The following SGCZ variants were observed in gnomAD, a reference collection of about 807,000 sequenced individuals.
The protein encoded by SGCZ is zeta-sarcoglycan.
Under a neutral mutation model 41.3 loss-of-function variants are expected in SGCZ, and 40 were observed. The observed-to-expected ratio is 0.97, with a 90% CI of 0.75 to 1.26. SGCZ has a LOEUF of 1.26. Ranked by LOEUF, SGCZ falls within the 50% of genes most tolerant of loss-of-function variation. The probability of loss-of-function intolerance (pLI) is 0.00; values close to 1 mark genes in which losing one functional copy is unlikely to be tolerated. For missense variants in SGCZ, 552 were observed against 369.8 expected (o/e 1.49, Z -4.04); for synonymous variants, 206 against 137.5 (o/e 1.50, Z -3.49).
intron 1 of SGCZ, among the ~76,000 whole-genome samples, chr8:15,098,269 T>C (rs942660356): frequency 6.6e-6 from 1 of 152,138 alleles, no homozygotes; most frequent in African/African-American, 2.4e-5. Flanking sequence ...GAAACAAGTT[T>C]AAAGCTACAA....
At chr8:15,038,499 A>G (rs1445307167) in intron 1 of SGCZ, among the ~76,000 whole-genome samples, 3 of 151,458 alleles carry the variant, frequency 2.0e-5, no homozygotes, top group African/African-American at 7.3e-5. Flanking sequence ...GAACTATAAA[A>G]CTACTAGAAA....
At chr8:14,460,945 A>T (rs2116951582) in intron 2 of SGCZ, among the ~76,000 whole-genome samples, 1 of 152,292 alleles carries the variant, frequency 6.6e-6, no homozygotes, top group Admixed American at 6.5e-5. Context: ...CTATAACTGA[A>T]TCAGATCCTG....
At chr8:14,830,089 C>G (rs1165734047) in intron 1 of SGCZ, among the ~76,000 whole-genome samples, 3 of 152,184 alleles carry the variant, frequency 2.0e-5, no homozygotes, top group Non-Finnish European at 4.4e-5. Flanking sequence ...GGATTACAGG[C>G]ATGAGCCACC....
At chr8:15,164,534 G>A (rs756854146) in intron 1 of SGCZ, among the ~76,000 whole-genome samples, 1 of 152,006 alleles carries the variant, frequency 6.6e-6, no homozygotes, top group Admixed American at 6.6e-5. Context: ...AATCTCCGTG[G>A]TGGAAGAACC....
intron 3 of SGCZ, among the ~76,000 whole-genome samples, chr8:14,288,123 A>T (rs1800703910): frequency 6.6e-6 from 1 of 152,040 alleles, no homozygotes; most frequent in Non-Finnish European, 1.5e-5. Context: ...AAGATGCAAG[A>T]TCTCTGTTGA....
In SGCZ at chr8:14,414,338, C is replaced by A. The variant is rs375299816; in HGVS notation, c.235-90134G>T. ...ACTATATACGTATGACACTATGGTC[C>A]TCATGCTCTTGAATTAGTGTTTCTT... On this transcript the variant is annotated intron_variant, in intron 2 of 7. Coordinates refer to ENST00000382080, the MANE Select transcript of SGCZ (RefSeq NM_139167.4). Among the ~76,000 whole-genome samples, 9 of 151,926 alleles carry A rather than the reference C, an allele frequency of 5.9e-5. No homozygotes were observed. In the East Asian group the frequency reaches 1.2e-3, roughly 20 times the overall value.
chr8:14,795,092 C>G (rs542578239), intron 1 of SGCZ, among the ~76,000 whole-genome samples: 1 of 152,036 alleles, frequency 6.6e-6, no homozygotes, highest in Non-Finnish European at 1.5e-5. Context: ...ATAAAGGAAA[C>G]AGAAGACCCA....
At chr8:14,955,121 T>A (rs745635830) in intron 1 of SGCZ, among the ~76,000 whole-genome samples, 5 of 152,152 alleles carry the variant, frequency 3.3e-5, no homozygotes, top group African/African-American at 4.8e-5. Context: ...ATTCCCTTTA[T>A]TTTCCTTGTA....
At chr8:14,610,265 G>C (rs1222791687) in intron 1 of SGCZ, among the ~76,000 whole-genome samples, 1 of 152,126 alleles carries the variant, frequency 6.6e-6, no homozygotes, top group Non-Finnish European at 1.5e-5. Context: ...GGGCATTTGA[G>C]TCTCCCCCTT....
intron 2 of SGCZ, among the ~76,000 whole-genome samples, chr8:14,534,109 T>C (rs1042006200): frequency 1.3e-5 from 2 of 152,014 alleles, no homozygotes; most frequent in African/African-American, 4.8e-5. Flanking sequence ...CAATACATCC[T>C]TCGGGAATCT....
chr8:14,259,899 G>C (rs1009992260), intron 3 of SGCZ, among the ~76,000 whole-genome samples: 2 of 151,922 alleles, frequency 1.3e-5, no homozygotes, highest in African/African-American at 2.4e-5. Context: ...AATTACCTTG[G>C]GCAGTATGGC....
chr8:15,225,113 C>T (rs769385129), intron 1 of SGCZ, among the ~76,000 whole-genome samples: 4 of 151,964 alleles, frequency 2.6e-5, no homozygotes, highest in Admixed American at 6.6e-5. Context: ...AGGAATTAAT[C>T]CCCAACAAGT....
intron 1 of SGCZ, among the ~76,000 whole-genome samples, chr8:14,958,348 T>G (rs994354762): frequency 2.0e-5 from 3 of 152,056 alleles, no homozygotes; most frequent in African/African-American, 7.2e-5. Context: ...AATGAAATGT[T>G]GGTCAATGGA....
chr8:14,675,854 G>A (rs1430322688), intron 1 of SGCZ, among the ~76,000 whole-genome samples: 1 of 152,176 alleles, frequency 6.6e-6, no homozygotes, highest in Non-Finnish European at 1.5e-5. Context: ...CAGATTTGGG[G>A]GACCCAAACA....
At chr8:14,421,025 G>A (rs1012787417) in intron 2 of SGCZ, among the ~76,000 whole-genome samples, 1 of 152,032 alleles carries the variant, frequency 6.6e-6, no homozygotes, top group Non-Finnish European at 1.5e-5. Flanking sequence ...TGAAATAAAG[G>A]TGCCCCAAAG....
At chr8:14,998,288 C>G (rs930662407) in intron 1 of SGCZ, among the ~76,000 whole-genome samples, 4 of 152,188 alleles carry the variant, frequency 2.6e-5, no homozygotes, top group African/African-American at 9.7e-5. Flanking sequence ...TGAACCCAGC[C>G]TAAGGCATCT....
At chr8:15,157,244 A>G (rs537095421) in intron 1 of SGCZ, among the ~76,000 whole-genome samples, 2 of 152,192 alleles carry the variant, frequency 1.3e-5, no homozygotes, top group East Asian at 3.9e-4. Context: ...TCATAAAAGT[A>G]GCGCATGGCT....
chr8:14,407,950 A>C (rs1799256056), intron 2 of SGCZ, among the ~76,000 whole-genome samples: 1 of 152,190 alleles, frequency 6.6e-6, no homozygotes, highest in African/African-American at 2.4e-5. Context: ...GTCTCAGATG[A>C]ATGTGTCAAA....
At chr8:14,959,169 G>A (rs55662092) in intron 1 of SGCZ, among the ~76,000 whole-genome samples, 8 of 151,924 alleles carry the variant, frequency 5.3e-5, no homozygotes, top group South Asian at 4.1e-4. Context: ...AATTCTAAAC[G>A]TTTCAGAGGT....
Sources: allele counts gnomAD v4.1 joint callset (sites outside exome capture counted in the v4.1 genomes callset), GRCh38; gene constraint gnomAD v4.1.1; transcripts MANE v1.5; gene names NCBI Gene and HGNC (gene_info 2026-07-23, HGNC 2026-07-21).